Variants in TBC1D31 observed in about 807,000 individuals in gnomAD.
TBC1D31 encodes the protein TBC1 domain family member 31.
Under a neutral mutation model 132.9 loss-of-function variants are expected in TBC1D31, and 99 were observed. The ratio of observed to expected loss-of-function variants is 0.74; its 90% CI spans 0.63 to 0.88. TBC1D31 has a LOEUF of 0.88. TBC1D31 is among the 40% of genes least tolerant of loss of function. The pLI, the probability that TBC1D31 is intolerant of heterozygous loss-of-function variation, is 0.00. For missense variants in TBC1D31, 1,134 were observed against 1,256.6 expected (o/e 0.90, Z 1.48); for synonymous variants, 385 against 419.4 (o/e 0.92, Z 1.00).
At chr8:123,074,531 G>C (rs776208472) in intron 1 of TBC1D31, among the ~76,000 whole-genome samples, 1 of 151,964 alleles carries the variant, frequency 6.6e-6, no homozygotes, top group Non-Finnish European at 1.5e-5. Context: ...CCCACCTCTG[G>C]TATTCTCTAA....
At chr8:123,113,456 G>A (rs1818627836) in intron 10 of TBC1D31, among the ~76,000 whole-genome samples, 1 of 152,038 alleles carries the variant, frequency 6.6e-6, no homozygotes, top group South Asian at 2.1e-4. Flanking sequence ...CATAGTGTAA[G>A]CTATAAATTT....
intron 10 of TBC1D31, among the ~76,000 whole-genome samples, chr8:123,111,823 C>G (rs184134619): frequency 6.6e-6 from 1 of 152,148 alleles, no homozygotes; most frequent in African/African-American, 2.4e-5. Context: ...TTATATCCCA[C>G]TAGGCATATA....
At chr8:123,086,843 G>A (rs1815811389) in intron 4 of TBC1D31, among the ~76,000 whole-genome samples, 1 of 151,886 alleles carries the variant, frequency 6.6e-6, no homozygotes, top group African/African-American at 2.4e-5. Flanking sequence ...TCAGCCTCCT[G>A]AGTACCTGGG....
intron 8 of TBC1D31, among the ~76,000 whole-genome samples, chr8:123,107,965 A>G (rs1040604362): frequency 6.6e-6 from 1 of 152,208 alleles, no homozygotes; most frequent in Non-Finnish European, 1.5e-5. Context: ...AGAAGCTTCA[A>G]TGGCAGCAGG....
rs186232028 is a variant in TBC1D31 at position 123,136,169 on chromosome 8, A to T, written c.2499+1963A>T. Reference sequence around the variant, plus strand: ...AGAAATTAACATAAGATGATCTGATATATAAACCTTATTCAGATTTGATCC... The same window carrying T: ...AGAAATTAACATAAGATGATCTGATTTATAAACCTTATTCAGATTTGATCC... On this transcript the variant is annotated intron_variant, in intron 17 of 21. Transcript: ENST00000287380. Among the ~76,000 whole-genome samples, 425 of 152,366 alleles carry T rather than the reference A, an allele frequency of 2.8e-3. 1 individual carries two copies. Among genetic ancestry groups the T allele is most frequent in the African/African-American group, 9.5e-3 (393 of 41,586 alleles).
intron 21 of TBC1D31, among the ~76,000 whole-genome samples, 185 bp from the exon 22 acceptor site, chr8:123,151,621 A>T (rs545256645): frequency 5.9e-5 from 9 of 152,238 alleles, no homozygotes; most frequent in Non-Finnish European, 8.8e-5. Context: ...GCATTCATTC[A>T]GTCCAACAAA....
In TBC1D31 at chr8:123,094,352, G is replaced by A. The variant is rs568740997; in HGVS notation, c.671+610G>A. 4.6e-5 allele frequency among the ~76,000 whole-genome samples: 7 copies of A among 151,904 alleles called. No individual in the cohort carries two copies. The East Asian group carries it at 5.9e-4, about 13-fold the overall frequency. On this transcript the variant is annotated intron_variant, in intron 5 of 21. Transcript: ENST00000287380. ...GCTGGGATTACAGGCATGAGCCACCGTGCCCGGCCATTTCTATTTTTATCA... is the reference window on the plus strand; with the variant it reads ...GCTGGGATTACAGGCATGAGCCACCATGCCCGGCCATTTCTATTTTTATCA...
intron 10 of TBC1D31, among the ~76,000 whole-genome samples, chr8:123,116,890 T>C (rs6470140): frequency 0.57 from 86,122 of 152,092 alleles, 24,629 homozygotes; most frequent in Admixed American, 0.62. Context: ...AATAAAGATA[T>C]AAATGAGGGA....
chr8:123,116,993 C>A (rs1586660508), intron 10 of TBC1D31, among the ~76,000 whole-genome samples: 1 of 152,160 alleles, frequency 6.6e-6, no homozygotes, highest in African/African-American at 2.4e-5. Context: ...GCAAGATCCA[C>A]CAATTGATGC....
At chr8:123,148,780 G>A (rs1822490035) in intron 20 of TBC1D31, among the ~76,000 whole-genome samples, 1 of 152,162 alleles carries the variant, frequency 6.6e-6, no homozygotes, top group Non-Finnish European at 1.5e-5. Flanking sequence ...CACTTTGGGA[G>A]GCCAAATCAT....
intron 13 of TBC1D31, among the ~76,000 whole-genome samples, chr8:123,127,453 AAT>A (rs1392976686): frequency 1.3e-5 from 2 of 151,314 alleles, no homozygotes; most frequent in South Asian, 2.1e-4. Context: ...TTATATTTTT[AAT>A]AGAGACAGGA....
chr8:123,132,747 C>T (rs752427993), intron 16 of TBC1D31, among the ~76,000 whole-genome samples: 4 of 152,096 alleles, frequency 2.6e-5, no homozygotes, highest in African/African-American at 4.8e-5. Flanking sequence ...AGAAATCTAT[C>T]ATCTCTTTAT....
chr8:123,105,252 C>A, intron 7 of TBC1D31, 36 bp from the exon 8 acceptor site: 1 of 1,399,448 alleles, frequency 7.1e-7, no homozygotes. Flanking sequence ...CCAAGGATAT[C>A]CATTAGAATA....
rs999690318 is a variant in TBC1D31 at position 123,077,115 on chromosome 8, A to G, written c.82A>G (p.Ile28Val). 5.0e-6 allele frequency: 8 copies of G among 1,598,516 alleles called. No homozygotes were observed. Among genetic ancestry groups the G allele is most frequent in the Non-Finnish European group, 6.8e-6 (8 of 1,175,032 alleles). ...TTGGGTTTTTTTCTTTGACAGAATT[A>G]TAGTGAACATTATTCACAACACTTC... is the stretch of plus-strand genomic sequence containing the variant. The part of the protein sequence containing the change: ...KPSPATRDGI[I>V]VNIIHNTSDY... The change falls in exon 2 of 22, where the codon ATA becomes GTA. Residue 28 changes from isoleucine (I) to valine (V), a missense_variant. Ile to Val is a conservative substitution (Grantham distance 29, BLOSUM62 3). Coordinates refer to ENST00000287380, the MANE Select transcript of TBC1D31 (RefSeq NM_145647.4).
chr8:123,109,474 A>T lies in TBC1D31; in HGVS notation c.1290A>T (p.Arg430Ser), dbSNP rs747927993. The T allele has an allele frequency of 1.2e-6, 2 of 1,611,804 alleles. No individual in the cohort carries two copies. The highest frequency in any genetic ancestry group is 2.2e-5 in the South Asian group (2 of 90,712). Residue 430 changes from arginine to serine, a missense_variant and splice_region_variant, in exon 10 of 22, where the codon AGA becomes AGT. Coordinates refer to ENST00000287380, the MANE Select transcript of TBC1D31 (RefSeq NM_145647.4). ...GGATTAAAATATATTTTTATTTCAG[A>T]ATGTTCATTTGGCGCTCTCTGCTAC... ...KGYGEYPTKYRMFIWRSLLQL... is the reference protein window; with the variant it reads ...KGYGEYPTKYSMFIWRSLLQL...
At chr8:123,120,225 G>A in intron 11 of TBC1D31, 37 bp downstream of exon 11, 1 of 1,517,280 alleles carries the variant, frequency 6.6e-7, no homozygotes, top group Non-Finnish European at 9.0e-7. Flanking sequence ...GATCAAGAAT[G>A]GATTCTTATA....
chr8:123,130,449 C>T (rs1820507121), intron 16 of TBC1D31, 116 bp downstream of exon 16: 9 of 911,896 alleles, frequency 9.9e-6, no homozygotes, highest in Admixed American at 7.2e-5. Flanking sequence ...ACTAAATAGC[C>T]GCTTTAATTT....
chr8:123,111,726 C>A (rs1774202593), intron 10 of TBC1D31, among the ~76,000 whole-genome samples: 1 of 151,982 alleles, frequency 6.6e-6, no homozygotes, highest in Admixed American at 6.6e-5. Context: ...ATAATAAAAA[C>A]TATATAACTA....
rs776975284 is a variant in TBC1D31, at chr8:123,128,487, T to A, written c.2091T>A (p.Asn697Lys). Residue 697 changes from asparagine (N) to lysine (K), a missense_variant, in exon 14 of 22, where the codon AAT becomes AAA. By Grantham distance (94) the Asn-to-Lys change is moderately conservative. Transcript: ENST00000287380. The part of the protein sequence containing the change: ...YQTQERERIR[N>K]DELDYLRERQ... ...CACAGGAACGAGAAAGAATAAGGAA[T>A]GATGAATTGGATTACTTAAGAGAGA... 1.2e-6 allele frequency: 2 copies of A among 1,610,622 alleles called. No homozygotes were observed. The highest frequency in any genetic ancestry group is 1.7e-6 in the Non-Finnish European group (2 of 1,176,892).
Sources: allele counts gnomAD v4.1 joint callset (sites outside exome capture counted in the v4.1 genomes callset), GRCh38; gene constraint gnomAD v4.1.1; transcripts MANE v1.5; gene names NCBI Gene and HGNC (gene_info 2026-07-23, HGNC 2026-07-21).